The following MCMDC2 variants were observed in gnomAD, a reference collection of about 807,000 sequenced individuals.
MCMDC2 encodes the protein minichromosome maintenance domain-containing protein 2.
In MCMDC2, 54 loss-of-function variants were observed where a neutral mutation model predicts 75.8. The observed-to-expected ratio is 0.71, with a 90% confidence interval of 0.57 to 0.89. The LOEUF is 0.89. MCMDC2 is among the 40% of genes least tolerant of loss of function. MCMDC2 has a pLI of 0.00. For missense variants in MCMDC2, 656 were observed against 780.4 expected (o/e 0.84, Z 1.90); for synonymous variants, 249 against 274.6 (o/e 0.91, Z 0.92).
chr8:66,874,218 T>G lies in MCMDC2; in HGVS notation c.78T>G (p.Asp26Glu). Residue 26 changes from aspartate (D) to glutamate (E), a missense_variant, in exon 2 of 15, where the codon GAT becomes GAG. Physicochemically the swap from Asp to Glu is conservative, Grantham distance 45 (BLOSUM62 2). Coordinates refer to ENST00000422365, the MANE Select transcript of MCMDC2 (RefSeq NM_173518.5). ...GAGGCCTCCAAAAGTTTATAGATGA[T>G]TGCAAGTACTACAATGGTACGTTCA... is the stretch of plus-strand genomic sequence containing the variant. ...RSGGLQKFID[D>E]CKYYNDSKQS... The G allele has an allele frequency of 6.2e-7, 1 of 1,612,140 alleles. No individual in the cohort carries two copies. The highest frequency in any genetic ancestry group is 8.5e-7 in the Non-Finnish European group (1 of 1,179,522).
At chr8:66,900,423 A>G (rs1226337495) in intron 12 of MCMDC2, among the ~76,000 whole-genome samples, 3 of 152,120 alleles carry the variant, frequency 2.0e-5, no homozygotes, top group Non-Finnish European at 4.4e-5. Context: ...GGGCAACAAG[A>G]GCGAAACTCC....
In MCMDC2 at chr8:66,921,237, T is replaced by C. The variant is rs1813517148; in HGVS notation, c.*2068T>C. On this transcript the variant is annotated 3_prime_UTR_variant, in exon 15 of 15. Transcript: ENST00000422365. ...TATGCCAACGGTATTTTAAAGGTTA[T>C]TGGAGAATTAGAAGGGGGTGGGGTG... is the stretch of plus-strand genomic sequence containing the variant. The C allele has an allele frequency of 2.0e-5, 3 of 152,232 alleles. No individual in the cohort carries two copies. Among genetic ancestry groups the C allele is most frequent in the East Asian group, 1.9e-4 (1 of 5,174 alleles). The allele number at this position is 152,232 out of a possible 1,614,324, so 9.4% of individuals were successfully genotyped here.
intron 14 of MCMDC2, among the ~76,000 whole-genome samples, chr8:66,913,784 T>C (rs904052315): frequency 1.3e-5 from 2 of 148,946 alleles, no homozygotes; most frequent in African/African-American, 5.0e-5. Flanking sequence ...GGACAAATGG[T>C]GAAACCCCAT....
chr8:66,874,214 A>C lies in MCMDC2; in HGVS notation c.74A>C (p.Asp25Ala). 6.2e-7 allele frequency: 1 copy of C among 1,611,948 alleles called. No individual in the cohort carries two copies. The highest frequency in any genetic ancestry group is 8.5e-7 in the Non-Finnish European group (1 of 1,179,458). ...DRSGGLQKFIDDCKYYNDSKQ... is the reference protein window; with the variant it reads ...DRSGGLQKFIADCKYYNDSKQ... ...AGTGGAGGCCTCCAAAAGTTTATAG[A>C]TGATTGCAAGTACTACAATGGTACG... is the stretch of plus-strand genomic sequence containing the variant. Residue 25 changes from aspartate to alanine, a missense_variant, in exon 2 of 15, where the codon GAT becomes GCT. Asp to Ala is a moderately radical substitution (Grantham distance 126). Transcript: ENST00000422365.
intron 13 of MCMDC2, among the ~76,000 whole-genome samples, chr8:66,902,731 T>A (rs1341417603): frequency 1.4e-5 from 2 of 140,706 alleles, no homozygotes; most frequent in African/African-American, 5.3e-5. Flanking sequence ...TATATATATA[T>A]ATATATATAT....
chr8:66,919,705 T>C lies in MCMDC2; in HGVS notation c.*536T>C, dbSNP rs1428815156. ...CTGGCCTGTCCATTACATACTACTG[T>C]TTTAGAAGCCCTAAATATGGAATCG... On this transcript the variant is annotated 3_prime_UTR_variant, in exon 15 of 15. Coordinates refer to ENST00000422365, the MANE Select transcript of MCMDC2 (RefSeq NM_173518.5). 6.6e-6 allele frequency: 1 copy of C among 152,230 alleles called. No homozygotes were observed. Among genetic ancestry groups the C allele is most frequent in the Non-Finnish European group, 1.5e-5 (1 of 68,064 alleles). The allele number at this position is 152,230 out of a possible 1,614,324, so 9.4% of individuals were successfully genotyped here. A position where few individuals can be genotyped will look rare whatever the true frequency, so the allele number is the denominator to read the frequency against.
chr8:66,878,548 T>C (rs1302326759), intron 5 of MCMDC2, 26 bp from the exon 6 acceptor site: 1 of 1,548,274 alleles, frequency 6.5e-7, no homozygotes, highest in Non-Finnish European at 8.7e-7. Context: ...TGAAAGCAAA[T>C]GTATGTTACC....
chr8:66,913,198 A>G (rs1455985943), intron 14 of MCMDC2, among the ~76,000 whole-genome samples: 1 of 152,236 alleles, frequency 6.6e-6, no homozygotes, highest in Admixed American at 6.5e-5. Context: ...ATTTTTTAGC[A>G]ATAAAGCATT....
chr8:66,887,290 A>G (rs959555569), intron 9 of MCMDC2, among the ~76,000 whole-genome samples: 1 of 151,738 alleles, frequency 6.6e-6, no homozygotes, highest in African/African-American at 2.4e-5. Context: ...TTATAACCCC[A>G]GCACTTTGGG....
intron 11 of MCMDC2, 29 bp downstream of exon 11, chr8:66,896,365 A>G: frequency 6.5e-7 from 1 of 1,535,474 alleles, no homozygotes; most frequent in Non-Finnish European, 8.7e-7. Flanking sequence ...TTATTGTTAG[A>G]ATGTTGTTCA....
intron 1 of MCMDC2, among the ~76,000 whole-genome samples, chr8:66,871,229 A>C (rs1422606207): frequency 6.6e-6 from 1 of 151,938 alleles, no homozygotes; most frequent in Non-Finnish European, 1.5e-5. Context: ...ATGCCACCGA[A>C]CTCCAGGCCC....
rs372381467 is a variant in MCMDC2 at position 66,896,347 on chromosome 8, T to C, written c.1446+11T>C. 6.4e-7 allele frequency: 1 copy of C among 1,563,298 alleles called. No homozygotes were observed. The highest frequency in any genetic ancestry group is 8.6e-7 in the Non-Finnish European group (1 of 1,163,478). On this transcript the variant is annotated intron_variant, in intron 11 of 14. Transcript: ENST00000422365. ...CTAATTGGTCAGATGGTAAGGTATA[T>C]GTATATTTTATTGTTAGAATGTTGT...
rs1417609940 is a variant in MCMDC2 at position 66,921,924 on chromosome 8, C to G, written c.*2755C>G. 1 of 152,260 alleles carries G rather than the reference C, an allele frequency of 6.6e-6. No individual in the cohort carries two copies. Among genetic ancestry groups the G allele is most frequent in the African/African-American group, 2.4e-5 (1 of 41,386 alleles). The allele number at this position is 152,260 out of a possible 1,614,324, so 9.4% of individuals were successfully genotyped here. ...CTGACTAGTGACTATGAGAATGGAGCTATTTAGAGTTGATTTAAAAGAAAA... is the reference window on the plus strand; with the variant it reads ...CTGACTAGTGACTATGAGAATGGAGGTATTTAGAGTTGATTTAAAAGAAAA... On this transcript the variant is annotated 3_prime_UTR_variant, in exon 15 of 15. Coordinates refer to ENST00000422365, the MANE Select transcript of MCMDC2 (RefSeq NM_173518.5).
chr8:66,917,021 G>A (rs1259533271), intron 14 of MCMDC2, among the ~76,000 whole-genome samples: 1 of 152,154 alleles, frequency 6.6e-6, no homozygotes, highest in African/African-American at 2.4e-5. Flanking sequence ...AAAACCAGGT[G>A]GCACTGAGCA....
chr8:66,875,823 T>A (rs1412386808), intron 4 of MCMDC2, among the ~76,000 whole-genome samples: 1 of 152,220 alleles, frequency 6.6e-6, no homozygotes, highest in Non-Finnish European at 1.5e-5. Context: ...GACCATTACC[T>A]TTTTGAAGAA....
At chr8:66,924,658 G>C (rs906226984), downstream of MCMDC2, among the ~76,000 whole-genome samples, 1 of 151,014 alleles carries the variant, frequency 6.6e-6, no homozygotes, top group Non-Finnish European at 1.5e-5. Context: ...AAAAGTTTCT[G>C]AATAGCTAAC....
At chr8:66,912,555 A>T (rs1307307166) in intron 14 of MCMDC2, among the ~76,000 whole-genome samples, 1 of 152,210 alleles carries the variant, frequency 6.6e-6, no homozygotes, top group Non-Finnish European at 1.5e-5. Flanking sequence ...TCAATGACAG[A>T]CTGGATAACA....
At chr8:66,909,446 G>A (rs1253996933) in intron 14 of MCMDC2, among the ~76,000 whole-genome samples, 1 of 152,180 alleles carries the variant, frequency 6.6e-6, no homozygotes, top group African/African-American at 2.4e-5. Flanking sequence ...GGAAGATGTG[G>A]GAGAGTTGGA....
intron 14 of MCMDC2, among the ~76,000 whole-genome samples, chr8:66,918,082 T>C (rs1274215333): frequency 6.6e-6 from 1 of 152,218 alleles, no homozygotes; most frequent in Non-Finnish European, 1.5e-5. Context: ...TTTTTTATTT[T>C]TATAATAAAT....
Sources: gnomAD v4.1 joint callset for allele counts (sites outside exome capture counted in the v4.1 genomes callset) on GRCh38, gnomAD v4.1.1 for gene constraint, MANE v1.5 for transcripts, NCBI Gene and HGNC (gene_info 2026-07-23, HGNC 2026-07-21) for gene names.